The following DLGAP2 variants were observed in gnomAD, a reference collection of about 807,000 sequenced individuals.
DLGAP2 encodes DLG associated protein 2, also known as disks large-associated protein 2.
Under a neutral mutation model 100.3 loss-of-function variants are expected in DLGAP2, and 26 were observed. The observed-to-expected ratio is 0.26, with a 90% confidence interval of 0.19 to 0.36. DLGAP2 has a LOEUF of 0.36. Among genes scored for constraint, DLGAP2 ranks in the 10% least tolerant of loss-of-function variants. The pLI is 1.00. For missense variants in DLGAP2, 1,858 were observed against 1,453.2 expected (o/e 1.28, Z -4.53); for synonymous variants, 886 against 630.1 (o/e 1.41, Z -6.08).
At chr8:1,652,579 A>G (rs1307143963) in intron 8 of DLGAP2, among the ~76,000 whole-genome samples, 2 of 152,194 alleles carry the variant, frequency 1.3e-5, no homozygotes, top group East Asian at 3.9e-4. Flanking sequence ...AAGGTAGAGA[A>G]TAAAACCCTC....
At position 1,277,495 on chromosome 8, in the gene DLGAP2, G is replaced by A. The variant is rs747733633; in HGVS notation, c.106+18612G>A. On this transcript the variant is annotated intron_variant, in intron 3 of 14. Coordinates refer to ENST00000637795, the MANE Select transcript of DLGAP2 (RefSeq NM_001346810.2). ...ATGGGAGTGGCCAATTTTACCAGGA[G>A]TCAGGAGAATTAGAAAAAAAAATGA... Among the ~76,000 whole-genome samples, 10 of 152,246 alleles carry A rather than the reference G, an allele frequency of 6.6e-5. No homozygotes were observed. The East Asian group carries it at 7.7e-4, about 12-fold the overall frequency.
At chr8:854,263 G>A (rs545087499) in intron 1 of DLGAP2, among the ~76,000 whole-genome samples, 3 of 152,286 alleles carry the variant, frequency 2.0e-5, no homozygotes, top group Non-Finnish European at 4.4e-5. Flanking sequence ...TGGGGCTTGT[G>A]TAGGGGACCT....
chr8:994,720 G>C (rs750849708), intron 2 of DLGAP2, among the ~76,000 whole-genome samples: 3 of 152,184 alleles, frequency 2.0e-5, no homozygotes, highest in East Asian at 3.8e-4. Flanking sequence ...TCATATGACT[G>C]CTGGGCATTG....
chr8:1,212,290 C>T (rs1798121778), intron 2 of DLGAP2, among the ~76,000 whole-genome samples: 1 of 152,194 alleles, frequency 6.6e-6, no homozygotes, highest in Non-Finnish European at 1.5e-5. Flanking sequence ...GAGCTGCTTT[C>T]AGTTCTAAGG....
At chr8:1,557,915 G>A (rs1047919835) in intron 5 of DLGAP2, among the ~76,000 whole-genome samples, 23 of 152,306 alleles carry the variant, frequency 1.5e-4, no homozygotes, top group African/African-American at 4.8e-4. Context: ...CCAAGGGTTA[G>A]GGTTCAACAT....
intron 1 of DLGAP2, among the ~76,000 whole-genome samples, chr8:863,366 CA>C (rs1375016325): frequency 6.6e-6 from 1 of 152,132 alleles, no homozygotes; most frequent in Non-Finnish European, 1.5e-5. Context: ...GATGACATCC[CA>C]AATATTTAAG....
At chr8:1,469,616 G>C (rs1405979869) in intron 3 of DLGAP2, among the ~76,000 whole-genome samples, 3 of 152,152 alleles carry the variant, frequency 2.0e-5, no homozygotes, top group Non-Finnish European at 4.4e-5. Flanking sequence ...CAGCTCTTGG[G>C]CAACGTGAAA....
At chr8:1,090,379 C>T (rs1804137598) in intron 2 of DLGAP2, among the ~76,000 whole-genome samples, 1 of 133,286 alleles carries the variant, frequency 7.5e-6, no homozygotes, top group Non-Finnish European at 1.7e-5. Flanking sequence ...GAAACTCACA[C>T]CCCGAGGACC....
chr8:1,430,759 C>G lies in DLGAP2; in HGVS notation c.107-70607C>G, dbSNP rs115849546. On this transcript the variant is annotated intron_variant, in intron 3 of 14. Coordinates refer to ENST00000637795, the MANE Select transcript of DLGAP2 (RefSeq NM_001346810.2). ...CAGAAATATCTTCAACCTGCAGATCCAAAAATAAGATGAACAGTTATTGAA... is the reference window on the plus strand; with the variant it reads ...CAGAAATATCTTCAACCTGCAGATCGAAAAATAAGATGAACAGTTATTGAA... 7.4e-3 allele frequency among the ~76,000 whole-genome samples: 1,130 copies of G among 152,210 alleles called. 12 individuals are homozygous for G. Among genetic ancestry groups the G allele is most frequent in the African/African-American group, 0.026 (1,085 of 41,516 alleles).
intron 5 of DLGAP2, among the ~76,000 whole-genome samples, chr8:1,559,253 C>G (rs770209917): frequency 6.6e-6 from 1 of 152,162 alleles, no homozygotes; most frequent in Non-Finnish European, 1.5e-5. Context: ...TGGTAGCCGT[C>G]GTGGAAAGAA....
chr8:823,196 T>C (rs1796621056), intron 1 of DLGAP2, among the ~76,000 whole-genome samples: 1 of 152,088 alleles, frequency 6.6e-6, no homozygotes, highest in Non-Finnish European at 1.5e-5. Context: ...CAGAAGATGG[T>C]GTTGACTTCA....
chr8:905,942 C>A (rs186832939), intron 1 of DLGAP2, among the ~76,000 whole-genome samples: 3 of 152,238 alleles, frequency 2.0e-5, no homozygotes, highest in African/African-American at 7.2e-5. Context: ...GTGATAGAGT[C>A]CCATGCTCTG....
chr8:1,257,895 G>A (rs1799262625), intron 2 of DLGAP2, among the ~76,000 whole-genome samples: 1 of 152,246 alleles, frequency 6.6e-6, no homozygotes, highest in African/African-American at 2.4e-5. Context: ...TAGGTCACCT[G>A]CCCTCATGTT....
chr8:753,757 C>G (rs1820851334), intron 1 of DLGAP2: 1 of 152,252 alleles, frequency 6.6e-6, no homozygotes, highest in Non-Finnish European at 1.5e-5. Flanking sequence ...TGCGTGTCCT[C>G]TAAGATGATC....
chr8:877,136 C>T (rs564692161), intron 1 of DLGAP2, among the ~76,000 whole-genome samples: 10 of 152,242 alleles, frequency 6.6e-5, no homozygotes, highest in Admixed American at 2.0e-4. Flanking sequence ...GTCACTTCCA[C>T]AGGTAGTTTG....
chr8:1,096,881 GTCTCCTCCA>G (rs1804391043), intron 2 of DLGAP2, among the ~76,000 whole-genome samples: 1 of 140,666 alleles, frequency 7.1e-6, no homozygotes. Context: ...GCATGGAGAG[GTCTCCTCCA>G]GCGTGAGACC....
intron 1 of DLGAP2, among the ~76,000 whole-genome samples, chr8:810,535 C>T (rs1008102616): frequency 6.6e-6 from 1 of 152,234 alleles, no homozygotes; most frequent in Non-Finnish European, 1.5e-5. Flanking sequence ...CTTCATTACA[C>T]AGTAAATTAT....
intron 4 of DLGAP2, among the ~76,000 whole-genome samples, chr8:1,522,091 T>G (rs923166059): frequency 4.6e-5 from 7 of 151,394 alleles, no homozygotes; most frequent in African/African-American, 1.7e-4. Flanking sequence ...ATTTGGGGTG[T>G]CTCTGGTTTG....
At chr8:1,586,918 T>C (rs961805671) in intron 6 of DLGAP2, among the ~76,000 whole-genome samples, 4 of 152,228 alleles carry the variant, frequency 2.6e-5, no homozygotes. Context: ...TGCTTTCACC[T>C]TCATCAGTGC....
Sources: allele counts gnomAD v4.1 joint callset (sites outside exome capture counted in the v4.1 genomes callset), GRCh38; gene constraint gnomAD v4.1.1; transcripts MANE v1.5; gene names NCBI Gene and HGNC (gene_info 2026-07-23, HGNC 2026-07-21).